HIRA: variants seen among roughly 807,000 people sequenced by gnomAD.
HIRA encodes the protein histone cell cycle regulator.
A neutral mutation model predicts 126.6 loss-of-function variants in HIRA; 13 were observed. That is an observed-to-expected ratio of 0.10 (90% CI 0.07 to 0.16). The LOEUF (loss-of-function observed/expected upper bound fraction) is 0.16, where lower values mean the gene tolerates loss of function less well. Among genes scored for constraint, HIRA ranks in the 10% least tolerant of loss-of-function variants. The pLI is 1.00. For missense variants in HIRA, 834 were observed against 1,314.4 expected, an observed-to-expected ratio of 0.63 and a Z score of 5.65; for synonymous variants, 511 against 520.0, an observed-to-expected ratio of 0.98 and a Z score of 0.24.
chr22:19,397,627 G>A (rs139754926), intron 6 of HIRA, among the ~76,000 whole-genome samples: 129 of 152,290 alleles, frequency 8.5e-4, no homozygotes, highest in African/African-American at 2.9e-3. Flanking sequence ...CTGGGTTTGT[G>A]TTAGCCCGTA....
In HIRA at chr22:19,353,532, G is replaced by A. The variant is rs370409470; in HGVS notation, c.2685-13C>T. ...CTGCCTTCCCGAGCTGCAGAGACCA[G>A]GAGAGTTTCCATGATGGGGCAGCAG... On this transcript the variant is annotated splice_polypyrimidine_tract_variant and intron_variant, in intron 22 of 24. Coordinates refer to ENST00000263208, the MANE Select transcript of HIRA (RefSeq NM_003325.4). The A allele has an allele frequency of 6.1e-5, 97 of 1,590,138 alleles. No homozygotes were observed. In the African/African-American group the frequency reaches 1.2e-3, roughly 20 times the overall value.
chr22:19,389,406 A>T (rs5748172), intron 9 of HIRA, among the ~76,000 whole-genome samples: 23,835 of 152,042 alleles, frequency 0.16, 3,962 homozygotes, highest in African/African-American at 0.42. Context: ...GACAATGGGC[A>T]GGGAAGAAAC....
rs552763951 is a variant in HIRA at position 19,396,821 on chromosome 22, T to C, written c.620A>G (p.Gln207Arg). The C allele has an allele frequency of 6.2e-7, 1 of 1,614,218 alleles. No individual in the cohort carries two copies. Among genetic ancestry groups the C allele is most frequent in the Non-Finnish European group, 8.5e-7 (1 of 1,180,042 alleles). Residue 207 changes from glutamine to arginine, a missense_variant, in exon 7 of 25, where the codon CAG (glutamine) becomes CGG (arginine). This residue lies in a region of HIRA where 53 missense variants were observed against 163.7 expected (regional missense o/e 0.32). Transcript: ENST00000263208. ...AGGCTTGGTGATGCTGGTCTCCAAC[T>C]GCCAGTCCAGCGTCCTCCACACCTT... ...SLKVWRTLDW[Q>R]LETSITKPFD... is the part of the protein sequence containing the mutation.
intron 1 of HIRA, among the ~76,000 whole-genome samples, chr22:19,424,017 G>A (rs1194118336): frequency 6.6e-6 from 1 of 152,136 alleles, no homozygotes; most frequent in Non-Finnish European, 1.5e-5. Context: ...ACCAGCCAAG[G>A]ACAACAGACA....
At chr22:19,380,577 C>T (rs372749088) in intron 13 of HIRA, among the ~76,000 whole-genome samples, 7 of 152,030 alleles carry the variant, frequency 4.6e-5, no homozygotes, top group South Asian at 2.1e-4. Context: ...AGAAATATTT[C>T]GGCCATTCCT....
intron 1 of HIRA, among the ~76,000 whole-genome samples, chr22:19,429,026 C>T (rs556077497): frequency 6.6e-6 from 1 of 152,048 alleles, no homozygotes; most frequent in South Asian, 2.1e-4. Context: ...TGGTAATTTA[C>T]CTCTTGACAG....
At chr22:19,375,598 C>T (rs2089010429) in intron 15 of HIRA, 33 bp downstream of exon 15, 2 of 1,610,824 alleles carry the variant, frequency 1.2e-6, no homozygotes, top group Non-Finnish European at 1.7e-6. Context: ...TGCACCCTGC[C>T]TGGTCCTTCA....
intron 1 of HIRA, among the ~76,000 whole-genome samples, chr22:19,420,965 A>G (rs576531302): frequency 3.1e-4 from 47 of 152,320 alleles, no homozygotes; most frequent in African/African-American, 1.1e-3. Context: ...AATAACCACA[A>G]TTAAGAAGAC....
chr22:19,431,301 C>T (rs2089536372), intron 1 of HIRA, 139 bp downstream of exon 1: 3 of 959,296 alleles, frequency 3.1e-6, no homozygotes, highest in South Asian at 2.6e-5. Flanking sequence ...ACAAAGTCCG[C>T]TCCCGCCGGC....
At position 19,337,795 on chromosome 22, in the gene HIRA, C is replaced by T. The variant is rs550471886; in HGVS notation, c.2938-6239G>A. On this transcript the variant is annotated intron_variant, in intron 24 of 24. Transcript: ENST00000263208. ...AGGTAACCTATACACGAAAGCCTAT[C>T]GGATTTTTTTTTTTGAGACAGAGTC... Among the ~76,000 whole-genome samples the T allele has an allele frequency of 7.2e-5, 11 of 151,778 alleles. 1 individual carries two copies. Among genetic ancestry groups the T allele is most frequent in the Admixed American group, 2.0e-4 (3 of 15,228 alleles).
intron 22 of HIRA, 116 bp downstream of exon 22, chr22:19,353,880 G>A: frequency 7.7e-7 from 1 of 1,304,200 alleles, no homozygotes; most frequent in Non-Finnish European, 1.0e-6. Context: ...CAGCACCTGG[G>A]GCACAGGGGA....
At chr22:19,334,368 C>T (rs1444530975) in intron 24 of HIRA, among the ~76,000 whole-genome samples, 4 of 151,084 alleles carry the variant, frequency 2.6e-5, no homozygotes, top group Non-Finnish European at 5.9e-5. Flanking sequence ...AGTCTTATGT[C>T]TGATGGGCAC....
chr22:19,364,496 C>G (rs1292588518), intron 15 of HIRA, among the ~76,000 whole-genome samples: 2 of 152,176 alleles, frequency 1.3e-5, no homozygotes, highest in African/African-American at 2.4e-5. Context: ...TTTCGTGTCT[C>G]TGTGTCACAT....
chr22:19,422,471 C>T (rs954743200), intron 1 of HIRA, among the ~76,000 whole-genome samples: 10 of 152,046 alleles, frequency 6.6e-5, no homozygotes, highest in African/African-American at 1.9e-4. Context: ...CTAAAACTCA[C>T]GTCAGATCAC....
intron 24 of HIRA, among the ~76,000 whole-genome samples, chr22:19,332,350 G>A (rs1478869075): frequency 6.6e-6 from 1 of 152,156 alleles, no homozygotes; most frequent in African/African-American, 2.4e-5. Flanking sequence ...GTTAGAGATG[G>A]GATAAGCAGG....
Position 19,337,784 on chromosome 22 carries a change from C to T in HIRA, c.2938-6228G>A, listed in dbSNP as rs186412265. Reference sequence around the variant, plus strand: ...GCAAAAGCATCAGGTAACCTATACACGAAAGCCTATCGGATTTTTTTTTTT... The same window carrying T: ...GCAAAAGCATCAGGTAACCTATACATGAAAGCCTATCGGATTTTTTTTTTT... On this transcript the variant is annotated intron_variant, in intron 24 of 24. Coordinates refer to ENST00000263208, the MANE Select transcript of HIRA (RefSeq NM_003325.4). Among the ~76,000 whole-genome samples the T allele has an allele frequency of 2.8e-4, 42 of 151,946 alleles. 1 individual carries two copies. Among genetic ancestry groups the T allele is most frequent in the Admixed American group, 2.2e-3 (34 of 15,250 alleles).
Position 19,355,744 on chromosome 22 carries a change from G to T in HIRA, c.2561+16C>A. The T allele has an allele frequency of 7.1e-6, 11 of 1,557,002 alleles. No individual in the cohort carries two copies. Among genetic ancestry groups the T allele is most frequent in the Non-Finnish European group, 9.7e-6 (11 of 1,128,440 alleles). ...ACACTCTTCCAGGGAATAGGACTGG[G>T]GGTCAGCTTGCTTACCATGTGGAAA... is the stretch of plus-strand genomic sequence containing the variant. On this transcript the variant is annotated intron_variant, in intron 21 of 24. Transcript: ENST00000263208.
At chr22:19,379,392 C>A (rs1418781590) in intron 13 of HIRA, among the ~76,000 whole-genome samples, 1 of 150,570 alleles carries the variant, frequency 6.6e-6, no homozygotes, top group Non-Finnish European at 1.5e-5. Context: ...TTTGGCAGGC[C>A]GAGGCGGGTG....
At chr22:19,399,169 C>G (rs1345630126) in intron 5 of HIRA, 1 of 985,308 alleles carries the variant, frequency 1.0e-6, no homozygotes, top group Non-Finnish European at 1.2e-6. Context: ...AGTTATTTCT[C>G]TAACCTCAGC....
Sources: allele counts gnomAD v4.1 joint callset (sites outside exome capture counted in the v4.1 genomes callset), GRCh38; gene constraint gnomAD v4.1.1; regional missense constraint gnomAD v4.1.1; transcripts MANE v1.5; gene names NCBI Gene and HGNC (gene_info 2026-07-23, HGNC 2026-07-21).